Variants in PROSER2 observed in about 807,000 individuals in gnomAD.
PROSER2 encodes the protein proline and serine-rich protein 2.
PROSER2 carries 18 observed loss-of-function variants against 14.6 expected under a neutral mutation model. The observed-to-expected ratio is 1.23, with a 90% CI of 0.85 to 1.83. The LOEUF (loss-of-function observed/expected upper bound fraction) is 1.83, where lower values mean the gene tolerates loss of function less well. Among genes scored for constraint, PROSER2 ranks in the 40% most tolerant of loss-of-function variants. The pLI is 0.00. For missense variants in PROSER2, 823 were observed against 629.8 expected (o/e 1.31, Z -3.28); for synonymous variants, 367 against 286.4 (o/e 1.28, Z -2.84).
intron 1 of PROSER2, chr10:11,831,812 A>T (rs1338327302): frequency 6.6e-6 from 1 of 152,158 alleles, no homozygotes; most frequent in Non-Finnish European, 1.5e-5. Context: ...GTTAAAACCC[A>T]GCCTCTCTAG....
At chr10:11,849,061 C>T (rs1192501946) in intron 1 of PROSER2, among the ~76,000 whole-genome samples, 1 of 152,122 alleles carries the variant, frequency 6.6e-6, no homozygotes, top group Non-Finnish European at 1.5e-5. Context: ...GTGGCGCATG[C>T]CTGTAGTCCC....
chr10:11,870,550 GCCTGGCTGGGGCCT>G lies in PROSER2; in HGVS notation c.*153_*166del. On this transcript the variant is annotated 3_prime_UTR_variant, in exon 4 of 4. Transcript: ENST00000277570. ...CTGTGGCACATCGGAGTCTAGAGGT[GCCTGGCTGGGGCCT>G]CCTGGCTGAGCACGCACCGCAAGCT... is the stretch of plus-strand genomic sequence containing the variant. The G allele has an allele frequency of 1.5e-6, 1 of 670,794 alleles. No individual in the cohort carries two copies. Among genetic ancestry groups the G allele is most frequent in the Non-Finnish European group, 2.3e-6 (1 of 434,174 alleles). The allele number at this position is 670,794 out of a possible 1,614,324, so 41.6% of individuals were successfully genotyped here.
At chr10:11,861,587 G>T (rs111326993) in intron 2 of PROSER2, among the ~76,000 whole-genome samples, 148 of 152,282 alleles carry the variant, frequency 9.7e-4, no homozygotes, top group African/African-American at 3.3e-3. Flanking sequence ...CTTAGAAGCC[G>T]ACATAGGAAG....
At chr10:11,867,670 G>A (rs1834380057) in intron 3 of PROSER2, among the ~76,000 whole-genome samples, 1 of 152,212 alleles carries the variant, frequency 6.6e-6, no homozygotes, top group Non-Finnish European at 1.5e-5. Context: ...GGCAGGAGGT[G>A]GAGCTCGGTA....
intron 1 of PROSER2, among the ~76,000 whole-genome samples, chr10:11,828,448 TCCCAG>T (rs1157682327): frequency 6.6e-6 from 1 of 152,154 alleles, no homozygotes; most frequent in Non-Finnish European, 1.5e-5. Flanking sequence ...ACACCTGTAA[TCCCAG>T]CACTATGGGA....
In PROSER2 at chr10:11,865,133, TTC is replaced by T. The variant is rs1405318651; in HGVS notation, c.139-1390_139-1389del. 2.0e-5 allele frequency among the ~76,000 whole-genome samples: 3 copies of T among 152,166 alleles called. No homozygotes were observed. In the East Asian group the frequency reaches 5.8e-4, roughly 29 times the overall value. ...ATTTCTTCCTCTCATTTTCTCTGAT[TTC>T]TCTCTCTGGAACTCTCATTATTCAC... On this transcript the variant is annotated intron_variant, in intron 2 of 3. Transcript: ENST00000277570. The surrounding 1 kb of genome is among the most constrained non-coding windows in gnomAD (Gnocchi z 4.2).
At chr10:11,834,270 G>A (rs536791155) in intron 1 of PROSER2, among the ~76,000 whole-genome samples, 2 of 151,412 alleles carry the variant, frequency 1.3e-5, no homozygotes, top group Admixed American at 6.6e-5. Flanking sequence ...TGGGATTACA[G>A]GCGTGAGCCA....
At chr10:11,849,901 A>G (rs1030001514) in intron 1 of PROSER2, 6 of 152,312 alleles carry the variant, frequency 3.9e-5, no homozygotes, top group African/African-American at 9.6e-5. Context: ...TGGGTTCACT[A>G]TAAAAGCGAG....
intron 1 of PROSER2, among the ~76,000 whole-genome samples, chr10:11,826,879 CTTT>C (rs780415085): frequency 1.9e-5 from 2 of 105,172 alleles, no homozygotes; most frequent in African/African-American, 6.5e-5. Flanking sequence ...TGCACCCGGC[CTTT>C]TTTTTTTTTT....
chr10:11,847,132 A>G (rs1833933319), intron 1 of PROSER2, among the ~76,000 whole-genome samples: 1 of 139,236 alleles, frequency 7.2e-6, no homozygotes, highest in Non-Finnish European at 1.5e-5. Flanking sequence ...ATTCTTAAAG[A>G]AAAAAAAGAA....
At chr10:11,850,642 C>T (rs192487919) in intron 1 of PROSER2, 10 of 152,282 alleles carry the variant, frequency 6.6e-5, no homozygotes, top group African/African-American at 2.2e-4. Context: ...GCTCTTAAAT[C>T]GCCATTTGAT....
At chr10:11,844,841 C>T (rs543927396) in intron 1 of PROSER2, among the ~76,000 whole-genome samples, 5 of 152,308 alleles carry the variant, frequency 3.3e-5, no homozygotes, top group African/African-American at 9.6e-5. Flanking sequence ...AGGCTGGTCT[C>T]AAACTCCTGA....
chr10:11,839,634 G>A (rs1020916716), intron 1 of PROSER2, among the ~76,000 whole-genome samples: 1 of 152,014 alleles, frequency 6.6e-6, no homozygotes, highest in Non-Finnish European at 1.5e-5. Flanking sequence ...AGACCAGCCT[G>A]GGCAACATGG....
chr10:11,868,675 G>C (rs1834401708), intron 3 of PROSER2, among the ~76,000 whole-genome samples: 1 of 151,820 alleles, frequency 6.6e-6, no homozygotes. Context: ...TTCTGAGACA[G>C]AGTCTCACTG....
rs1177968298 is a variant in PROSER2 at position 11,870,371 on chromosome 10, C to T, written c.1273C>T (p.Leu425=). The change falls in exon 4 of 4, where the codon CTG becomes TTG. Residue 425 remains leucine (L), a synonymous_variant. Coordinates refer to ENST00000277570, the MANE Select transcript of PROSER2 (RefSeq NM_153256.4). Reference sequence around the variant, plus strand: ...CTCGGAGGAGGCGCGCAGGGAGGCCCTGCGGAAGCTGGGGCTGCTCAGGGA... The same window carrying T: ...CTCGGAGGAGGCGCGCAGGGAGGCCTTGCGGAAGCTGGGGCTGCTCAGGGA... ...GSSEEARREA[L]RKLGLLRESS The T allele has an allele frequency of 1.3e-5, 20 of 1,507,186 alleles. No individual in the cohort carries two copies. Among genetic ancestry groups the T allele is most frequent in the East Asian group, 2.8e-5 (1 of 35,990 alleles). The allele number at this position is 1,507,186 out of a possible 1,614,324, so 93.4% of individuals were successfully genotyped here.
At chr10:11,868,198 G>A (rs1007938027) in intron 3 of PROSER2, among the ~76,000 whole-genome samples, 2 of 152,210 alleles carry the variant, frequency 1.3e-5, no homozygotes, top group East Asian at 1.9e-4. Context: ...GTGAGATCAC[G>A]TAGTCATGCC....
At chr10:11,842,975 C>T (rs1261909910) in intron 1 of PROSER2, among the ~76,000 whole-genome samples, 1 of 85,702 alleles carries the variant, frequency 1.2e-5, no homozygotes, top group African/African-American at 3.3e-5. Context: ...GAGTCTTGCT[C>T]TGTCGCCCAG....
rs1294112785 is a variant in PROSER2, at chr10:11,856,943, G to A, written c.138+4728G>A. 1.3e-5 allele frequency among the ~76,000 whole-genome samples: 2 copies of A among 152,158 alleles called. No individual in the cohort carries two copies. Among genetic ancestry groups the A allele is most frequent in the Admixed American group, 6.5e-5 (1 of 15,280 alleles). Reference sequence around the variant, plus strand: ...GAGCCGCCCCATCAGCCATAACCCCGCCCTTTCATGCTGCCTTCTCACCCA... The same window carrying A: ...GAGCCGCCCCATCAGCCATAACCCCACCCTTTCATGCTGCCTTCTCACCCA... On this transcript the variant is annotated intron_variant, in intron 2 of 3. Coordinates refer to ENST00000277570, the MANE Select transcript of PROSER2 (RefSeq NM_153256.4). The surrounding 1 kb of genome is among the most constrained non-coding windows in gnomAD (Gnocchi z 5.3).
At chr10:11,859,723 A>AT (rs1381492869) in intron 2 of PROSER2, among the ~76,000 whole-genome samples, 1 of 152,214 alleles carries the variant, frequency 6.6e-6, no homozygotes, top group Non-Finnish European at 1.5e-5. Context: ...TTTTTTTACT[A>AT]TAACAGCTTT....
Sources: gnomAD v4.1 joint callset for allele counts (sites outside exome capture counted in the v4.1 genomes callset) on GRCh38, gnomAD v4.1.1 for gene constraint, Gnocchi (gnomAD v3.1) non-coding constraint, MANE v1.5 for transcripts, NCBI Gene and HGNC (gene_info 2026-07-23, HGNC 2026-07-21) for gene names.